RAC1: variants seen among roughly 807,000 people sequenced by gnomAD.
The protein encoded by RAC1 is Rac family small GTPase 1.
A neutral mutation model predicts 25.2 loss-of-function variants in RAC1; 2 were observed. That is an observed-to-expected ratio of 0.08 (90% CI 0.03 to 0.25). The LOEUF (loss-of-function observed/expected upper bound fraction) is 0.25, where lower values mean the gene tolerates loss of function less well. RAC1 is among the 10% of genes least tolerant of loss of function. RAC1 has a pLI of 1.00. For synonymous variants in RAC1, 88 were observed against 94.0 expected, an observed-to-expected ratio of 0.94 and a Z score of 0.37; for missense variants, 50 against 235.7, an observed-to-expected ratio of 0.21 and a Z score of 5.16.
chr7:6,394,935 A>G (rs537763486), intron 3 of RAC1, among the ~76,000 whole-genome samples: 1 of 152,178 alleles, frequency 6.6e-6, no homozygotes, highest in South Asian at 2.1e-4. Flanking sequence ...GCTCACTGCA[A>G]GCTTCACCTC....
chr7:6,400,445 C>T (rs1562470412), intron 4 of RAC1, among the ~76,000 whole-genome samples: 1 of 151,736 alleles, frequency 6.6e-6, no homozygotes, highest in East Asian at 1.9e-4. Flanking sequence ...TTCTCCTGCC[C>T]CAGCCTCCTG....
intron 1 of RAC1, among the ~76,000 whole-genome samples, chr7:6,376,881 G>C (rs1204089529): frequency 6.7e-6 from 1 of 148,714 alleles, no homozygotes; most frequent in Middle Eastern, 3.5e-3. Flanking sequence ...AATACTAACC[G>C]ATTGTGGACC....
chr7:6,375,027 C>T (rs760004957), intron 1 of RAC1, among the ~76,000 whole-genome samples: 16 of 151,866 alleles, frequency 1.1e-4, no homozygotes, highest in Admixed American at 9.2e-4. Context: ...GTGAACTCCA[C>T]CCTCCGGCTT....
Position 6,402,614 on chromosome 7 carries a change from A to G in RAC1, c.*168A>G. The G allele has an allele frequency of 1.7e-6, 1 of 602,864 alleles. No homozygotes were observed. The highest frequency in any genetic ancestry group is 4.6e-5 in the South Asian group (1 of 21,960). The allele number at this position is 602,864 out of a possible 1,614,324, so 37.3% of individuals were successfully genotyped here. A position where few individuals can be genotyped will look rare whatever the true frequency, so the allele number is the denominator to read the frequency against. ...TTCCATAAAACCATTTTTTGAACCA[A>G]TCAGTAATTTTAAGGTTTTGTTTGT... On this transcript the variant is annotated 3_prime_UTR_variant, in exon 6 of 6. Coordinates refer to ENST00000348035, the MANE Select transcript of RAC1 (RefSeq NM_006908.5).
At chr7:6,395,867 A>G (rs995763004) in intron 3 of RAC1, among the ~76,000 whole-genome samples, 1 of 152,228 alleles carries the variant, frequency 6.6e-6, no homozygotes. Flanking sequence ...TTGGAAGAGA[A>G]TAAAACGAAG....
At chr7:6,385,459 G>A (rs1398912422) in intron 1 of RAC1, among the ~76,000 whole-genome samples, 1 of 152,148 alleles carries the variant, frequency 6.6e-6, no homozygotes, top group Non-Finnish European at 1.5e-5. Context: ...TTGGCCCTGG[G>A]TCTCAAATCT....
chr7:6,381,156 C>T (rs1474709450), intron 1 of RAC1, among the ~76,000 whole-genome samples: 1 of 152,190 alleles, frequency 6.6e-6, no homozygotes, highest in Non-Finnish European at 1.5e-5. Context: ...GCGTCAGCCA[C>T]CATGCCCGGC....
intron 2 of RAC1, among the ~76,000 whole-genome samples, chr7:6,388,152 G>A (rs777391541): frequency 3.3e-5 from 5 of 151,912 alleles, no homozygotes; most frequent in Admixed American, 6.6e-5. Context: ...TGCTGCTCTG[G>A]TGATGGGTTA....
chr7:6,375,519 T>G (rs1782558071), intron 1 of RAC1, among the ~76,000 whole-genome samples: 1 of 152,158 alleles, frequency 6.6e-6, no homozygotes, highest in African/African-American at 2.4e-5. Context: ...GCCCGGCCTC[T>G]CAACTTATTT....
intron 3 of RAC1, among the ~76,000 whole-genome samples, chr7:6,399,372 T>C (rs532782585): frequency 6.6e-6 from 1 of 152,234 alleles, no homozygotes; most frequent in South Asian, 2.1e-4. Flanking sequence ...AAATCTAGCA[T>C]TTTAGAATTC....
chr7:6,378,004 A>C (rs553369134), intron 1 of RAC1, among the ~76,000 whole-genome samples: 1 of 152,044 alleles, frequency 6.6e-6, no homozygotes, highest in Non-Finnish European at 1.5e-5. Flanking sequence ...ACGTCCCTCC[A>C]TCCTGCCCTC....
chr7:6,381,390 C>CTTTT (rs71008386), intron 1 of RAC1, among the ~76,000 whole-genome samples: 15 of 132,292 alleles, frequency 1.1e-4, no homozygotes, highest in South Asian at 4.7e-4. Flanking sequence ...TAATTGCTGG[C>CTTTT]TTTTTTTTTT....
intron 1 of RAC1, among the ~76,000 whole-genome samples, chr7:6,379,769 G>C (rs1782713458): frequency 6.6e-6 from 1 of 151,852 alleles, no homozygotes; most frequent in Admixed American, 6.6e-5. Flanking sequence ...TATTTTTTGA[G>C]ATGGAGTCTC....
chr7:6,381,426 C>G lies in RAC1; in HGVS notation c.36-5786C>G, dbSNP rs935080567. Among the ~76,000 whole-genome samples the G allele has an allele frequency of 3.5e-5, 5 of 142,788 alleles. No individual in the cohort carries two copies. The South Asian group carries it at 8.8e-4, about 25-fold the overall frequency. The allele number at this position is 142,788 out of a possible 152,430, so 93.7% of individuals were successfully genotyped here. A position where few individuals can be genotyped will look rare whatever the true frequency, so the allele number is the denominator to read the frequency against. On this transcript the variant is annotated intron_variant, in intron 1 of 5. Transcript: ENST00000348035. ...TTTTTTTGGTAGAAACAGAGTCTTG[C>G]TCTGTCGCCAGGCTGGAGTGCAGTG...
At chr7:6,377,777 C>T (rs191469594) in intron 1 of RAC1, among the ~76,000 whole-genome samples, 5 of 151,876 alleles carry the variant, frequency 3.3e-5, no homozygotes, top group African/African-American at 4.8e-5. Flanking sequence ...TAGCTGGGCA[C>T]GCCTGTAATC....
intron 2 of RAC1, among the ~76,000 whole-genome samples, chr7:6,389,173 G>T (rs1348190491): frequency 6.7e-6 from 1 of 149,794 alleles, no homozygotes; most frequent in African/African-American, 2.5e-5. Flanking sequence ...CTGCACTTCA[G>T]CCTGGGTAAC....
At chr7:6,388,650 G>A (rs1344533911) in intron 2 of RAC1, among the ~76,000 whole-genome samples, 1 of 151,900 alleles carries the variant, frequency 6.6e-6, no homozygotes, top group Non-Finnish European at 1.5e-5. Flanking sequence ...ATTTTTTACT[G>A]TAAGTGGAAT....
At chr7:6,399,964 C>T (rs1423814165) in intron 3 of RAC1, 162 bp from the exon 4 acceptor site, 1 of 634,348 alleles carries the variant, frequency 1.6e-6, no homozygotes, top group Non-Finnish European at 2.8e-6. Flanking sequence ...GGTTTGGGAG[C>T]CCTCTGACAA....
chr7:6,392,023 C>G lies in RAC1; in HGVS notation c.207C>G (p.Pro69=). 6.2e-7 allele frequency: 1 copy of G among 1,614,176 alleles called. No individual in the cohort carries two copies. The highest frequency in any genetic ancestry group is 8.5e-7 in the Non-Finnish European group (1 of 1,180,034). The change falls in exon 3 of 6, where the codon CCC becomes CCG. Residue 69 remains proline (P), a synonymous_variant. Coordinates refer to ENST00000348035, the MANE Select transcript of RAC1 (RefSeq NM_006908.5). ...AGQEDYDRLR[P]LSYPQTDVFL... is the part of the protein sequence containing the mutation. The stretch of plus-strand genomic sequence containing the variant: ...AAGAAGATTATGACAGATTACGCCC[C>G]CTATCCTATCCGCAAACAGTAAGGA...
Sources: gnomAD v4.1 joint callset for allele counts (sites outside exome capture counted in the v4.1 genomes callset) on GRCh38, gnomAD v4.1.1 for gene constraint, MANE v1.5 for transcripts, NCBI Gene and HGNC (gene_info 2026-07-23, HGNC 2026-07-21) for gene names.